RAB20: variants seen among roughly 807,000 people sequenced by gnomAD.
RAB20 encodes the protein RAB20, member RAS oncogene family, also known as ras-related protein Rab-20.
In RAB20, 2 loss-of-function variants were observed where a neutral mutation model predicts 3.7. The ratio of observed to expected loss-of-function variants is 0.54; its 90% CI spans 0.22 to 1.69. The LOEUF is 1.69. Among genes scored for constraint, RAB20 ranks in the 40% most tolerant of loss-of-function variants. The pLI is 0.19. For missense variants in RAB20, 276 were observed against 311.9 expected (o/e 0.88, Z 0.87); for synonymous variants, 126 against 130.8 (o/e 0.96, Z 0.25).
chr13:110,558,010 GGGCCTGCGGGGCAGCGGCCAGCC>G (rs1384864380), intron 1 of RAB20, among the ~76,000 whole-genome samples: 1 of 152,260 alleles, frequency 6.6e-6, no homozygotes, highest in Non-Finnish European at 1.5e-5. Flanking sequence ...CTGGAATCCA[GGGCCTGCGGGGCAGCGGCCAGCC>G]GGCCTGCTCA....
chr13:110,553,774 CCCGA>C (rs1211278136), intron 1 of RAB20, among the ~76,000 whole-genome samples: 1 of 152,174 alleles, frequency 6.6e-6, no homozygotes, highest in African/African-American at 2.4e-5. Flanking sequence ...AGAAGCCTCT[CCCGA>C]CTGAGGCTAA....
intron 1 of RAB20, among the ~76,000 whole-genome samples, chr13:110,558,634 A>G (rs1481011056): frequency 7.2e-6 from 1 of 137,976 alleles, no homozygotes; most frequent in East Asian, 2.1e-4. Context: ...TGCCCGCCTC[A>G]CCCTCCTAAA....
intron 1 of RAB20, among the ~76,000 whole-genome samples, chr13:110,537,906 C>A (rs2391836): frequency 6.6e-6 from 1 of 151,806 alleles, no homozygotes; most frequent in South Asian, 2.1e-4. Flanking sequence ...GCAAGCAGAG[C>A]CCAGGGCTCC....
At chr13:110,537,180 C>T (rs994030485) in intron 1 of RAB20, among the ~76,000 whole-genome samples, 64 of 150,972 alleles carry the variant, frequency 4.2e-4, no homozygotes, top group Admixed American at 1.3e-4. Flanking sequence ...TTTTTTGGTA[C>T]AGATGGGGTC....
chr13:110,523,360 G>A lies in RAB20; in HGVS notation c.*305C>T. ...CCTCTGCAAGGGCAAGGGGGCCGTT[G>A]GTGGCTGGCTGCAAAGGACCAGTGC... On this transcript the variant is annotated 3_prime_UTR_variant, in exon 2 of 2. Transcript: ENST00000267328. 1 of 535,032 alleles carries A rather than the reference G, an allele frequency of 1.9e-6. No homozygotes were observed. The highest frequency in any genetic ancestry group is 3.2e-6 in the Non-Finnish European group (1 of 312,758). The allele number at this position is 535,032 out of a possible 1,614,324, so 33.1% of individuals were successfully genotyped here. A position where few individuals can be genotyped will look rare whatever the true frequency, so the allele number is the denominator to read the frequency against.
intron 1 of RAB20, among the ~76,000 whole-genome samples, chr13:110,526,536 G>T (rs1884433799): frequency 6.6e-6 from 1 of 152,174 alleles, no homozygotes; most frequent in African/African-American, 2.4e-5. Flanking sequence ...CTGAGTGTGT[G>T]GACAGTGTCG....
chr13:110,544,769 GAA>G lies in RAB20; in HGVS notation c.172+16577_172+16578del, dbSNP rs1884823291. On this transcript the variant is annotated intron_variant, in intron 1 of 1. Transcript: ENST00000267328. ...ACACAGGTAAAGCGCCTCACCGAGGGAAAGTGACGCACCACACACCCTCAAAT... is the reference window on the plus strand; with the variant it reads ...ACACAGGTAAAGCGCCTCACCGAGGGAGTGACGCACCACACACCCTCAAAT... Among the ~76,000 whole-genome samples, 3 of 152,324 alleles carry G rather than the reference GAA, an allele frequency of 2.0e-5. No homozygotes were observed. The South Asian group carries it at 6.2e-4, about 32-fold the overall frequency.
intron 1 of RAB20, among the ~76,000 whole-genome samples, chr13:110,561,086 G>C (rs994941397): frequency 1.3e-5 from 2 of 152,222 alleles, no homozygotes; most frequent in African/African-American, 4.8e-5. Context: ...CAGGAACGCG[G>C]GGCTCGGGAG....
rs748605493 is a variant in RAB20, at chr13:110,523,754, A to G, written c.616T>C (p.Leu206=). 1.9e-6 allele frequency: 3 copies of G among 1,614,202 alleles called. No homozygotes were observed. In the Admixed American group the frequency reaches 5.0e-5, roughly 27 times the overall value. ...GACGGCCTCTCAGCTCTCTGCTGTAAGATCATTGGCACCACCAGGTCAAAG... is the reference window on the plus strand; with the variant it reads ...GACGGCCTCTCAGCTCTCTGCTGTAGGATCATTGGCACCACCAGGTCAAAG... The part of the protein sequence containing the change: ...TLFDLVVPMI[L]QQRAERPSHT... Residue 206 remains leucine (L), a synonymous_variant, in exon 2 of 2, where the codon TTA becomes CTA. Coordinates refer to ENST00000267328, the MANE Select transcript of RAB20 (RefSeq NM_017817.3).
chr13:110,535,325 G>A (rs1431729531), intron 1 of RAB20, among the ~76,000 whole-genome samples: 2 of 144,344 alleles, frequency 1.4e-5, no homozygotes, highest in South Asian at 2.5e-4. Flanking sequence ...CCCCCAACCC[G>A]AACCCACCCT....
Position 110,544,788 on chromosome 13 carries a change from C to T in RAB20, c.172+16560G>A, listed in dbSNP as rs530724666. The stretch of plus-strand genomic sequence containing the variant: ...CCGAGGGAAAGTGACGCACCACACA[C>T]CCTCAAATCTCAAGTAGGTCTCTGA... On this transcript the variant is annotated intron_variant, in intron 1 of 1. Transcript: ENST00000267328. Among the ~76,000 whole-genome samples the T allele has an allele frequency of 8.5e-4, 129 of 152,324 alleles. 1 individual carries two copies. The highest frequency in any genetic ancestry group is 3.0e-3 in the African/African-American group (126 of 41,572).
At chr13:110,541,930 T>A (rs975981606) in intron 1 of RAB20, among the ~76,000 whole-genome samples, 9 of 152,030 alleles carry the variant, frequency 5.9e-5, no homozygotes, top group Admixed American at 2.6e-4. Flanking sequence ...ATTTCACACA[T>A]CTGGAATCAG....
intron 1 of RAB20, among the ~76,000 whole-genome samples, chr13:110,551,893 C>G (rs1203595183): frequency 1.5e-5 from 2 of 136,174 alleles, no homozygotes; most frequent in African/African-American, 5.6e-5. Context: ...CCAGCCTGGG[C>G]AACATACTGA....
Position 110,523,478 on chromosome 13 carries a change from G to C in RAB20, c.*187C>G. 8.9e-7 allele frequency: 1 copy of C among 1,128,584 alleles called. No individual in the cohort carries two copies. The allele number at this position is 1,128,584 out of a possible 1,614,324, so 69.9% of individuals were successfully genotyped here. On this transcript the variant is annotated 3_prime_UTR_variant, in exon 2 of 2. Coordinates refer to ENST00000267328, the MANE Select transcript of RAB20 (RefSeq NM_017817.3). Reference sequence around the variant, plus strand: ...TTCCCACCTCCCCACCCCTCTGACAGAGACTGAGGAGACCACACACGTTGA... The same window carrying C: ...TTCCCACCTCCCCACCCCTCTGACACAGACTGAGGAGACCACACACGTTGA...
chr13:110,535,027 TCTCA>T lies in RAB20; in HGVS notation c.173-10834_173-10831del, dbSNP rs573082743. The stretch of plus-strand genomic sequence containing the variant: ...TTTTTAATTTTTAGTAGAGATGAGG[TCTCA>T]CTAAGTTGCCCAGCCTGGTCTCAAA... On this transcript the variant is annotated intron_variant, in intron 1 of 1. Transcript: ENST00000267328. 3.0e-4 allele frequency among the ~76,000 whole-genome samples: 46 copies of T among 151,996 alleles called. No individual in the cohort carries two copies. The South Asian group carries it at 9.4e-3, about 31-fold the overall frequency.
chr13:110,530,411 G>A (rs1305817366), intron 1 of RAB20, among the ~76,000 whole-genome samples: 6 of 87,790 alleles, frequency 6.8e-5, no homozygotes, highest in Non-Finnish European at 1.3e-4. Context: ...GGTCCCACCC[G>A]CCCCACCTCT....
intron 1 of RAB20, among the ~76,000 whole-genome samples, chr13:110,540,869 G>C (rs899007605): frequency 5.3e-5 from 8 of 152,050 alleles, no homozygotes; most frequent in African/African-American, 1.9e-4. Flanking sequence ...CAAAGAAGGC[G>C]AGGAGCTGGA....
At position 110,561,425 on chromosome 13, in the gene RAB20, T is replaced by A. The variant is rs1457211909; in HGVS notation, c.95A>T (p.Asp32Val). ...GGCGCCGCCCACCGTGCTGACCGTG[T>A]CCGGGAAGCGCCGCTCCATATACCG... ...LQRYMERRFP[D>V]TVSTVGGAFY... The change falls in exon 1 of 2, where the codon GAC becomes GTC. Residue 32 changes from aspartate (D) to valine (V), a missense_variant. Transcript: ENST00000267328. The A allele has an allele frequency of 6.2e-7, 1 of 1,609,774 alleles. No homozygotes were observed. The highest frequency in any genetic ancestry group is 8.5e-7 in the Non-Finnish European group (1 of 1,178,094).
chr13:110,539,646 G>A (rs780868769), intron 1 of RAB20, among the ~76,000 whole-genome samples: 3 of 148,316 alleles, frequency 2.0e-5, no homozygotes, highest in African/African-American at 5.1e-5. Flanking sequence ...TGCAACCTCC[G>A]CTTCCCGGGC....
Sources: allele counts gnomAD v4.1 joint callset (sites outside exome capture counted in the v4.1 genomes callset), GRCh38; gene constraint gnomAD v4.1.1; transcripts MANE v1.5; gene names NCBI Gene and HGNC (gene_info 2026-07-23, HGNC 2026-07-21).